FOCAD: variants seen among roughly 807,000 people sequenced by gnomAD.
FOCAD encodes the protein focadhesin.
Under a neutral mutation model 225.6 loss-of-function variants are expected in FOCAD, and 198 were observed. The observed-to-expected ratio is 0.88, with a 90% CI of 0.78 to 0.99. The LOEUF (loss-of-function observed/expected upper bound fraction) is 0.99, where lower values mean the gene tolerates loss of function less well. Ranked by LOEUF, FOCAD falls within the 50% of genes least tolerant of loss-of-function variation. FOCAD has a pLI of 0.00. For synonymous variants in FOCAD, 897 were observed against 755.0 expected, an observed-to-expected ratio of 1.19 and a Z score of -3.08; for missense variants, 2,713 against 2,123.6, an observed-to-expected ratio of 1.28 and a Z score of -5.46.
rs7044425 is a variant in FOCAD at position 20,923,519 on chromosome 9, C to G, written c.2853-141C>G. 435,297 of 605,678 alleles carry G rather than the reference C, an allele frequency of 0.72. 157,592 individuals carry two copies. Among genetic ancestry groups the G allele is most frequent in the East Asian group, 0.91 (33,067 of 36,246 alleles). The allele number at this position is 605,678 out of a possible 1,614,324, so 37.5% of individuals were successfully genotyped here. A position where few individuals can be genotyped will look rare whatever the true frequency, so the allele number is the denominator to read the frequency against. ...AAGGAAAGAAACTGTTGGCCTAACACAACAAACAGACCTGCATTTACAAGA... is the reference window on the plus strand; with the variant it reads ...AAGGAAAGAAACTGTTGGCCTAACAGAACAAACAGACCTGCATTTACAAGA... On this transcript the variant is annotated intron_variant, in intron 24 of 43. Coordinates refer to ENST00000338382, the MANE Select transcript of FOCAD (RefSeq NM_001375567.1).
intron 10 of FOCAD, among the ~76,000 whole-genome samples, chr9:20,788,841 T>A (rs1244515156): frequency 6.6e-6 from 1 of 152,232 alleles, no homozygotes; most frequent in East Asian, 1.9e-4. Context: ...AAGTTACAAT[T>A]ATTAATGAAT....
rs1248721588 is a variant in FOCAD, at chr9:20,781,733, A to C, written c.1001A>C (p.Lys334Thr). The change falls in exon 10 of 44, where the codon AAG becomes ACG. Residue 334 changes from lysine (K) to threonine (T), a missense_variant. Lys to Thr is a moderately conservative substitution (Grantham distance 78). Coordinates refer to ENST00000338382, the MANE Select transcript of FOCAD (RefSeq NM_001375567.1). ...QQKPILNLAL[K>T]LLSVTEDQKI... is the part of the protein sequence containing the mutation. The stretch of plus-strand genomic sequence containing the variant: ...TTATTGTTTTGATGAATAGCTTTGA[A>C]GCTCCTCTCTGTTACTGAGGATCAG... The C allele has an allele frequency of 1.9e-6, 3 of 1,613,292 alleles. No individual in the cohort carries two copies. The highest frequency in any genetic ancestry group is 2.2e-5 in the South Asian group (2 of 91,048).
At chr9:20,852,143 T>C (rs952178635) in intron 15 of FOCAD, among the ~76,000 whole-genome samples, 1 of 151,832 alleles carries the variant, frequency 6.6e-6, no homozygotes, top group Non-Finnish European at 1.5e-5. Context: ...TTTATCCTTG[T>C]TTAAACCTTG....
chr9:20,933,093 C>T lies in FOCAD; in HGVS notation c.3397C>T (p.Leu1133Phe). 2 of 1,612,742 alleles carry T rather than the reference C, an allele frequency of 1.2e-6. No homozygotes were observed. The highest frequency in any genetic ancestry group is 1.7e-6 in the Non-Finnish European group (2 of 1,178,826). ...ALENCCFDTS[L>F]EYNTGCILGV... ...GGAAAATTGCTGCTTTGACACTAGT[C>T]TTGAATACAAGTATGTTGTTCCTAT... The change falls in exon 28 of 44, where the codon CTT (leucine) becomes TTT (phenylalanine). Residue 1133 changes from leucine to phenylalanine, a missense_variant. Physicochemically the swap from Leu to Phe is conservative, Grantham distance 22 (BLOSUM62 0). Coordinates refer to ENST00000338382, the MANE Select transcript of FOCAD (RefSeq NM_001375567.1).
At chr9:20,836,057 G>A (rs1435805378) in intron 15 of FOCAD, among the ~76,000 whole-genome samples, 1 of 152,018 alleles carries the variant, frequency 6.6e-6, no homozygotes, top group Non-Finnish European at 1.5e-5. Context: ...AAATCATGGT[G>A]GAAGATAGTT....
chr9:20,815,137 G>GTTTTTTTTTGTTTTTTTTTT (rs1823565046), intron 11 of FOCAD, among the ~76,000 whole-genome samples: 1 of 69,116 alleles, frequency 1.4e-5, no homozygotes, highest in African/African-American at 6.0e-5. Context: ...TTTTTTTTTT[G>GTTTTTTTTTGTTTTTTTTTT]TTTTTTTTTT....
chr9:20,839,211 G>A (rs578047980), intron 15 of FOCAD, among the ~76,000 whole-genome samples: 1 of 150,158 alleles, frequency 6.7e-6, no homozygotes. Context: ...TTGTTATAAG[G>A]TTTATGTGAG....
At position 20,823,075 on chromosome 9, in the gene FOCAD, C is replaced by A. The variant is rs925918971; in HGVS notation, c.1880C>A (p.Ala627Asp). 1.2e-6 allele frequency: 2 copies of A among 1,608,890 alleles called. No individual in the cohort carries two copies. The highest frequency in any genetic ancestry group is 1.7e-4 in the Middle Eastern group (1 of 6,030). ...AAGCCTGATCAAGCTACTCCAGCAG[C>A]CTTGGTATTACAGGGTCTTCATGCA... The part of the protein sequence containing the change: ...CTKPDQATPA[A>D]LVLQGLHALC... Residue 627 changes from alanine to aspartate, a missense_variant, in exon 15 of 44, where the codon GCC becomes GAC. By Grantham distance (126) the Ala-to-Asp change is moderately radical (BLOSUM62 -2). Transcript: ENST00000338382.
intron 2 of FOCAD, among the ~76,000 whole-genome samples, chr9:20,666,500 G>T (rs1250244281): frequency 6.6e-6 from 1 of 152,104 alleles, no homozygotes; most frequent in Non-Finnish European, 1.5e-5. Flanking sequence ...AGCCCAGGAG[G>T]CAGAGGTTGC....
intron 15 of FOCAD, among the ~76,000 whole-genome samples, chr9:20,843,743 T>A (rs528491451): frequency 1.3e-5 from 2 of 152,146 alleles, no homozygotes; most frequent in Non-Finnish European, 2.9e-5. Flanking sequence ...AGATTTTCCT[T>A]CTCTATAGTT....
intron 21 of FOCAD, among the ~76,000 whole-genome samples, chr9:20,898,659 T>A (rs1410077886): frequency 6.6e-6 from 1 of 152,000 alleles, no homozygotes; most frequent in Non-Finnish European, 1.5e-5. Flanking sequence ...CTTTAGCACA[T>A]TAGTCATGGT....
chr9:20,822,711 C>T (rs1160849798), intron 14 of FOCAD, among the ~76,000 whole-genome samples: 1 of 151,896 alleles, frequency 6.6e-6, no homozygotes, highest in African/African-American at 2.4e-5. Context: ...TTGAGTTTTT[C>T]TCAATTCAGA....
chr9:20,762,429 G>C (rs998042895), intron 6 of FOCAD, among the ~76,000 whole-genome samples: 3 of 152,204 alleles, frequency 2.0e-5, no homozygotes, highest in Admixed American at 1.3e-4. Context: ...AGCTCTATGA[G>C]AGCAGGAACT....
intron 38 of FOCAD, 73 bp from the exon 39 acceptor site, chr9:20,982,284 A>G: frequency 9.1e-7 from 1 of 1,096,144 alleles, no homozygotes; most frequent in Non-Finnish European, 1.4e-6. Flanking sequence ...AAGAAAATCT[A>G]ATAATTTGTC....
At chr9:20,818,257 T>C (rs576813226) in intron 11 of FOCAD, among the ~76,000 whole-genome samples, 1 of 152,132 alleles carries the variant, frequency 6.6e-6, no homozygotes, top group Non-Finnish European at 1.5e-5. Context: ...AAGAGTTCTT[T>C]ATATAGTCTG....
chr9:20,759,156 T>C (rs1306238229), intron 6 of FOCAD, among the ~76,000 whole-genome samples: 2 of 151,962 alleles, frequency 1.3e-5, no homozygotes, highest in Non-Finnish European at 2.9e-5. Flanking sequence ...TGCTCATGGG[T>C]AGGAAGAATC....
chr9:20,707,397 A>C (rs1415008929), intron 1 of FOCAD, among the ~76,000 whole-genome samples: 1 of 152,210 alleles, frequency 6.6e-6, no homozygotes, highest in Non-Finnish European at 1.5e-5. Flanking sequence ...TATGAATCAT[A>C]TACAGTTGAC....
At position 20,951,036 on chromosome 9, in the gene FOCAD, C is replaced by T. The variant is rs1305129996; in HGVS notation, c.3989C>T (p.Ala1330Val). The stretch of plus-strand genomic sequence containing the variant: ...GGGGTGATTGGTCTCCAGTCAAATG[C>T]AGTCTGGCTTCTTGGACATCTTCAT... ...VSGVIGLQSN[A>V]VWLLGHLHLS... Residue 1330 changes from alanine (A) to valine (V), a missense_variant, in exon 34 of 44, where the codon GCA (alanine) becomes GTA (valine). Transcript: ENST00000338382. 3 of 1,613,576 alleles carry T rather than the reference C, an allele frequency of 1.9e-6. No homozygotes were observed. Among genetic ancestry groups the T allele is most frequent in the Non-Finnish European group, 8.5e-7 (1 of 1,179,614 alleles).
At chr9:20,911,292 G>C (rs886869834) in intron 22 of FOCAD, among the ~76,000 whole-genome samples, 1 of 152,078 alleles carries the variant, frequency 6.6e-6, no homozygotes, top group African/African-American at 2.4e-5. Context: ...TACAGTGTCC[G>C]TTACATCTCA....
Sources: allele counts gnomAD v4.1 joint callset (sites outside exome capture counted in the v4.1 genomes callset), GRCh38; gene constraint gnomAD v4.1.1; transcripts MANE v1.5; gene names NCBI Gene and HGNC (gene_info 2026-07-23, HGNC 2026-07-21).